Variants in SEMA5A observed in about 807,000 individuals in gnomAD.
SEMA5A encodes the protein semaphorin 5A.
In SEMA5A, 55 loss-of-function variants were observed where a neutral mutation model predicts 135.5. The observed-to-expected ratio is 0.41, with a 90% CI of 0.33 to 0.51. The LOEUF is 0.51. Among genes scored for constraint, SEMA5A ranks in the 20% least tolerant of loss-of-function variants. The pLI is 0.37. For synonymous variants in SEMA5A, 580 were observed against 546.5 expected (o/e 1.06, Z -0.85); for missense variants, 1,290 against 1,419.9 (o/e 0.91, Z 1.47).
chr5:9,491,523 G>C (rs1228691943), intron 1 of SEMA5A, among the ~76,000 whole-genome samples: 1 of 151,574 alleles, frequency 6.6e-6, no homozygotes, highest in Non-Finnish European at 1.5e-5. Context: ...CTGAAGACTT[G>C]AATGGATGCA....
chr5:9,280,898 A>ACCTGT, intron 5 of SEMA5A: 1 of 272,242 alleles, frequency 3.7e-6, no homozygotes, highest in South Asian at 3.5e-5. Context: ...CTGTGTGTAT[A>ACCTGT]CAATTTAAAT....
intron 8 of SEMA5A, among the ~76,000 whole-genome samples, chr5:9,206,608 T>C (rs1746031682): frequency 1.3e-5 from 2 of 152,108 alleles, no homozygotes. Context: ...GATCTGATCA[T>C]TGAGCAGATC....
At chr5:9,419,638 T>A (rs1757396274) in intron 2 of SEMA5A, among the ~76,000 whole-genome samples, 1 of 152,102 alleles carries the variant, frequency 6.6e-6, no homozygotes, top group Non-Finnish European at 1.5e-5. Flanking sequence ...CCTGATAAGG[T>A]CATGAGATAA....
At chr5:9,232,338 T>C (rs1224243891) in intron 6 of SEMA5A, among the ~76,000 whole-genome samples, 1 of 152,194 alleles carries the variant, frequency 6.6e-6, no homozygotes. Flanking sequence ...GTGAAATCAA[T>C]GTGTCCTCTT....
At chr5:9,070,729 T>C (rs1579337857) in intron 16 of SEMA5A, among the ~76,000 whole-genome samples, 1 of 152,342 alleles carries the variant, frequency 6.6e-6, no homozygotes, top group East Asian at 1.9e-4. Flanking sequence ...TGTTCTTATG[T>C]TCTTATTTTC....
rs936543909 is a variant in SEMA5A, at chr5:9,035,596, C to A, written c.*7301G>T. The A allele has an allele frequency of 6.6e-6, 1 of 152,140 alleles. No homozygotes were observed. The highest frequency in any genetic ancestry group is 2.4e-5 in the African/African-American group (1 of 41,430). The allele number at this position is 152,140 out of a possible 1,614,324, so 9.4% of individuals were successfully genotyped here. On this transcript the variant is annotated 3_prime_UTR_variant, in exon 23 of 23. Coordinates refer to ENST00000382496, the MANE Select transcript of SEMA5A (RefSeq NM_003966.3). ...CTGGGATACAGACCTAGACAGCTCT[C>A]AGGAAGCATTTACAACCAGTGAATT...
chr5:9,354,949 G>GT (rs1170205258), intron 3 of SEMA5A, among the ~76,000 whole-genome samples: 1 of 152,214 alleles, frequency 6.6e-6, no homozygotes, highest in Non-Finnish European at 1.5e-5. Context: ...GGACAGGAGT[G>GT]TAACGAGAGA....
Position 9,044,471 on chromosome 5 carries a change from C to A in SEMA5A, c.3007G>T (p.Ala1003Ser). The part of the protein sequence containing the change: ...CQRYQQQSHD[A>S]TVIHPVSPAP... Reference sequence around the variant, plus strand: ...GGTGAGACGGGGTGGATGACAGTCGCATCGTGGGATTGCTGCTGGTACCGC... The same window carrying A: ...GGTGAGACGGGGTGGATGACAGTCGAATCGTGGGATTGCTGCTGGTACCGC... The change falls in exon 22 of 23, where the codon GCG (alanine) becomes TCG (serine). Residue 1003 changes from alanine to serine, a missense_variant. Ala to Ser is a moderately conservative substitution (Grantham distance 99, BLOSUM62 1). Coordinates refer to ENST00000382496, the MANE Select transcript of SEMA5A (RefSeq NM_003966.3). 1 of 1,613,990 alleles carries A rather than the reference C, an allele frequency of 6.2e-7. No individual in the cohort carries two copies. The highest frequency in any genetic ancestry group is 8.5e-7 in the Non-Finnish European group (1 of 1,180,010).
intron 11 of SEMA5A, among the ~76,000 whole-genome samples, chr5:9,183,700 T>C (rs1428682086): frequency 6.6e-6 from 1 of 152,212 alleles, no homozygotes; most frequent in African/African-American, 2.4e-5. Flanking sequence ...TTGGCTCACG[T>C]GACACCTTAT....
intron 16 of SEMA5A, among the ~76,000 whole-genome samples, chr5:9,095,275 A>G (rs991472400): frequency 1.3e-5 from 2 of 152,142 alleles, no homozygotes; most frequent in Non-Finnish European, 2.9e-5. Context: ...AAGGGATAGC[A>G]TTAGGAGGAA....
chr5:9,440,925 T>C (rs1758209518), intron 1 of SEMA5A, among the ~76,000 whole-genome samples: 1 of 152,140 alleles, frequency 6.6e-6, no homozygotes, highest in Non-Finnish European at 1.5e-5. Flanking sequence ...GAAATAAAAA[T>C]GGACAAGACC....
chr5:9,428,088 G>GTGTATA (rs1324813231), intron 2 of SEMA5A, among the ~76,000 whole-genome samples: 7 of 145,648 alleles, frequency 4.8e-5, no homozygotes, highest in Non-Finnish European at 9.0e-5. Context: ...ATATGTGTGT[G>GTGTATA]TATATATATA....
intron 3 of SEMA5A, among the ~76,000 whole-genome samples, chr5:9,356,581 A>C (rs935625182): frequency 6.6e-6 from 1 of 152,120 alleles, no homozygotes; most frequent in Non-Finnish European, 1.5e-5. Flanking sequence ...TCAGACAAAA[A>C]CAATTTTTAT....
chr5:9,347,943 G>T (rs750565487), intron 3 of SEMA5A, among the ~76,000 whole-genome samples: 39 of 152,174 alleles, frequency 2.6e-4, no homozygotes, highest in Non-Finnish European at 4.7e-4. Flanking sequence ...ACAGGGGTGG[G>T]ATTAATAAAT....
chr5:9,256,973 G>C (rs912634900), intron 5 of SEMA5A, among the ~76,000 whole-genome samples: 3 of 152,178 alleles, frequency 2.0e-5, no homozygotes, highest in Non-Finnish European at 4.4e-5. Flanking sequence ...TGACCTTCTT[G>C]GTTCATAAAA....
In SEMA5A at chr5:9,041,696, G is replaced by C. The variant is rs991178491; in HGVS notation, c.*1201C>G. ...AAGGCAGCACTGAAATAAAAGAAAA[G>C]GCACCAGAGCTGAGCATCTCCTGCT... is the stretch of plus-strand genomic sequence containing the variant. On this transcript the variant is annotated 3_prime_UTR_variant, in exon 23 of 23. Transcript: ENST00000382496. 1.3e-5 allele frequency: 2 copies of C among 152,592 alleles called. No homozygotes were observed. The highest frequency in any genetic ancestry group is 4.8e-5 in the African/African-American group (2 of 41,418). The allele number at this position is 152,592 out of a possible 1,614,324, so 9.5% of individuals were successfully genotyped here.
intron 1 of SEMA5A, among the ~76,000 whole-genome samples, chr5:9,441,947 G>C (rs1345915263): frequency 6.6e-6 from 1 of 152,214 alleles, no homozygotes; most frequent in Non-Finnish European, 1.5e-5. Context: ...TGGGATGTCA[G>C]GATGAGCAAA....
chr5:9,319,716 G>A (rs138214665), intron 4 of SEMA5A, among the ~76,000 whole-genome samples: 1 of 151,886 alleles, frequency 6.6e-6, no homozygotes, highest in Non-Finnish European at 1.5e-5. Flanking sequence ...TGAGCACGAG[G>A]TGGGATCTCC....
At chr5:9,194,135 CA>C (rs1260079611) in intron 10 of SEMA5A, among the ~76,000 whole-genome samples, 1 of 152,148 alleles carries the variant, frequency 6.6e-6, no homozygotes. Context: ...TGTTTTATAT[CA>C]GTGATTGCCG....
Sources: gnomAD v4.1 joint callset for allele counts (sites outside exome capture counted in the v4.1 genomes callset) on GRCh38, gnomAD v4.1.1 for gene constraint, MANE v1.5 for transcripts, NCBI Gene and HGNC (gene_info 2026-07-23, HGNC 2026-07-21) for gene names.